The following PLEKHG1 variants were observed in gnomAD, a reference collection of about 807,000 sequenced individuals.
PLEKHG1 encodes the protein pleckstrin homology domain-containing family G member 1.
Under a neutral mutation model 100.8 loss-of-function variants are expected in PLEKHG1, and 44 were observed. The ratio of observed to expected loss-of-function variants is 0.44; its 90% CI spans 0.34 to 0.56. The LOEUF (loss-of-function observed/expected upper bound fraction) is 0.56, where lower values mean the gene tolerates loss of function less well. Ranked by LOEUF, PLEKHG1 falls within the 20% of genes least tolerant of loss-of-function variation. PLEKHG1 has a pLI of 0.01. For missense variants in PLEKHG1, 1,545 were observed against 1,720.9 expected (o/e 0.90, Z 1.81); for synonymous variants, 640 against 662.5 (o/e 0.97, Z 0.52).
At chr6:150,720,634 A>C (rs76506994), upstream of PLEKHG1, among the ~76,000 whole-genome samples, 1 of 146,730 alleles carries the variant, frequency 6.8e-6, no homozygotes, top group South Asian at 2.2e-4. Context: ...CCCAACCTGC[A>C]TTTTAAAACT....
chr6:150,832,208 A>G lies in PLEKHG1; in HGVS notation c.3094+3A>G. 1.9e-6 allele frequency: 3 copies of G among 1,571,604 alleles called. No individual in the cohort carries two copies. Among genetic ancestry groups the G allele is most frequent in the Non-Finnish European group, 1.7e-6 (2 of 1,163,882 alleles). On this transcript the variant is annotated splice_donor_region_variant and intron_variant, in intron 15 of 15. Transcript: ENST00000358517. ...GAAGCAAGGAGGGCCCGCCATTGGT[A>G]TGTGCACCCTGCCCTTCTTCCTTCT... is the stretch of plus-strand genomic sequence containing the variant.
intron 1 of PLEKHG1, among the ~76,000 whole-genome samples, chr6:150,609,757 G>A (rs1158900423): frequency 6.6e-6 from 1 of 152,164 alleles, no homozygotes; most frequent in Non-Finnish European, 1.5e-5. Flanking sequence ...TCCATGCAGT[G>A]GTACAGAGAA....
intron 3 of PLEKHG1, among the ~76,000 whole-genome samples, chr6:150,664,853 G>A (rs965817276): frequency 6.6e-6 from 1 of 152,194 alleles, no homozygotes; most frequent in South Asian, 2.1e-4. Context: ...TCTATCTCGG[G>A]GAGTTTTAAG....
chr6:150,790,978 G>A (rs1327304894), intron 4 of PLEKHG1, among the ~76,000 whole-genome samples: 9 of 152,160 alleles, frequency 5.9e-5, no homozygotes, highest in African/African-American at 1.7e-4. Flanking sequence ...AGCCGAGATC[G>A]TGCCACTGCA....
chr6:150,610,182 A>G (rs373908316), intron 1 of PLEKHG1, among the ~76,000 whole-genome samples: 63 of 152,230 alleles, frequency 4.1e-4, no homozygotes, highest in African/African-American at 1.2e-3. Flanking sequence ...GCTCACTGCA[A>G]CGTCTGCCTC....
intron 2 of PLEKHG1, 34 bp downstream of exon 3, chr6:150,734,126 C>T (rs993400365): frequency 1.3e-6 from 2 of 1,573,386 alleles, no homozygotes. Context: ...GTTTGCCATG[C>T]AGGAGAAATA....
At chr6:150,646,215 C>T (rs1176698819) in intron 2 of PLEKHG1, among the ~76,000 whole-genome samples, 2 of 152,118 alleles carry the variant, frequency 1.3e-5, no homozygotes, top group Non-Finnish European at 2.9e-5. Context: ...TTGAACCCTA[C>T]GTGTTTGCAG....
chr6:150,802,854 G>A (rs953326143), intron 6 of PLEKHG1, among the ~76,000 whole-genome samples: 1 of 151,954 alleles, frequency 6.6e-6, no homozygotes. Context: ...TAGAGACGGG[G>A]TTTCACCATG....
chr6:150,634,360 G>A (rs1777903341), intron 1 of PLEKHG1, among the ~76,000 whole-genome samples: 1 of 152,116 alleles, frequency 6.6e-6, no homozygotes, highest in African/African-American at 2.4e-5. Flanking sequence ...TGTGGCCTAG[G>A]GTAGGCTAGG....
At position 150,631,500 on chromosome 6, in the gene PLEKHG1, C is replaced by T. The variant is rs185808962; in HGVS notation, c.-203-6580C>T. 1.6e-3 allele frequency among the ~76,000 whole-genome samples: 238 copies of T among 152,258 alleles called. 5 individuals carry two copies. The highest frequency in any genetic ancestry group is 1.2e-3 in the East Asian group (6 of 5,188). ...AGCCACACCTTACACCTAGTGGAGT[C>T]GGACAGAGTCTTGTGGCTTGGACGC... On this transcript the variant is annotated intron_variant, in intron 1 of 3. Coordinates refer to the PLEKHG1 transcript ENST00000367326.
intron 2 of PLEKHG1, among the ~76,000 whole-genome samples, chr6:150,751,297 A>G (rs1440469198): frequency 6.7e-6 from 1 of 150,108 alleles, no homozygotes; most frequent in South Asian, 2.1e-4. Context: ...CAGAATTTTG[A>G]TCTGAGCTGA....
rs1265492590 is a variant in PLEKHG1 at position 150,779,345 on chromosome 6, T to TTTGTTTTTTTTTG, written c.513-7043_513-7042insGTTTTTTTTTGTT. 8.9e-3 allele frequency among the ~76,000 whole-genome samples: 746 copies of TTTGTTTTTTTTTG among 84,144 alleles called. 23 individuals carry two copies. The highest frequency in any genetic ancestry group is 0.03 in the South Asian group (87 of 2,854). The allele number at this position is 84,144 out of a possible 152,430, so 55.2% of individuals were successfully genotyped here. On this transcript the variant is annotated intron_variant, in intron 3 of 15. Coordinates refer to ENST00000358517, the Ensembl canonical transcript of PLEKHG1. ...CAGGGGGTTAAATATTGTCAAGAAG[T>TTTGTTTTTTTTTG]TTTTTTTTTTTTTTTTTTGAGACAG...
intron 2 of PLEKHG1, among the ~76,000 whole-genome samples, chr6:150,644,334 G>GGTTTTTTTTTTTTTTTTTTTTTT (rs1554255840): frequency 5.1e-5 from 6 of 117,598 alleles, no homozygotes; most frequent in African/African-American, 7.0e-5. Flanking sequence ...TTCTTTTCGT[G>GGTTTTTTTTTTTTTTTTTTTTTT]TTTTTTTTTT....
At chr6:150,699,167 G>A (rs993462516) in intron 3 of PLEKHG1, among the ~76,000 whole-genome samples, 8 of 152,234 alleles carry the variant, frequency 5.3e-5, no homozygotes, top group South Asian at 2.1e-4. Flanking sequence ...GGGAAACTGA[G>A]TAAAGGGTAC....
At chr6:150,819,558 T>G in intron 11 of PLEKHG1, 121 bp from the exon 13 acceptor site, 1 of 497,666 alleles carries the variant, frequency 2.0e-6, no homozygotes, top group Non-Finnish European at 3.5e-6. Context: ...AGAGCAAGAC[T>G]CTGTCTCAAA....
chr6:150,816,110 A>G (rs1775936710), intron 10 of PLEKHG1, among the ~76,000 whole-genome samples: 1 of 152,142 alleles, frequency 6.6e-6, no homozygotes, highest in East Asian at 1.9e-4. Flanking sequence ...AGACAGTCCC[A>G]TCTGGGGGTG....
At position 150,757,959 on chromosome 6, in the gene PLEKHG1, G is replaced by GA. The variant is rs554643294; in HGVS notation, c.412-10679_412-10678insA. On this transcript the variant is annotated intron_variant, in intron 2 of 15. Transcript: ENST00000358517. Reference sequence around the variant, plus strand: ...GAGAACATTTGCTGTTTGGTTTTCTGTCCCTGAGTTAGGTTGCTGAGGATA... The same window carrying GA: ...GAGAACATTTGCTGTTTGGTTTTCTGATCCCTGAGTTAGGTTGCTGAGGATA... Among the ~76,000 whole-genome samples the GA allele has an allele frequency of 7.4e-3, 1,124 of 152,180 alleles. 12 individuals are homozygous for GA. The highest frequency in any genetic ancestry group is 0.026 in the African/African-American group (1,065 of 41,500).
At chr6:150,755,305 C>T (rs550990318) in intron 2 of PLEKHG1, among the ~76,000 whole-genome samples, 20 of 152,254 alleles carry the variant, frequency 1.3e-4, no homozygotes, top group African/African-American at 4.8e-4. Flanking sequence ...GCACAGGTCT[C>T]CCCTGACAAT....
chr6:150,656,621 T>G (rs1340667716), intron 3 of PLEKHG1, among the ~76,000 whole-genome samples: 1 of 152,234 alleles, frequency 6.6e-6, no homozygotes, highest in Non-Finnish European at 1.5e-5. Context: ...ACTCCTTTAA[T>G]TTTAAACTAC....
Sources: allele counts gnomAD v4.1 joint callset (sites outside exome capture counted in the v4.1 genomes callset), GRCh38; gene constraint gnomAD v4.1.1; transcripts MANE v1.5; gene names NCBI Gene and HGNC (gene_info 2026-07-23, HGNC 2026-07-21).